DPYD: variants seen among roughly 807,000 people sequenced by gnomAD.
DPYD encodes the protein dihydropyrimidine dehydrogenase [NADP(+)].
A neutral mutation model predicts 116.2 loss-of-function variants in DPYD; 109 were observed. The ratio of observed to expected loss-of-function variants is 0.94; its 90% confidence interval spans 0.80 to 1.10. The LOEUF is 1.10. Among genes scored for constraint, DPYD ranks in the 50% least tolerant of loss-of-function variants. The pLI is 0.00. For synonymous variants in DPYD, 440 were observed against 432.0 expected (o/e 1.02, Z -0.23); for missense variants, 1,302 against 1,254.5 (o/e 1.04, Z -0.57).
In DPYD at chr1:97,466,941, G is replaced by A. The variant is rs764026103; in HGVS notation, c.1741-16718C>T. On this transcript the variant is annotated intron_variant, in intron 13 of 22. Transcript: ENST00000370192. ...AGAACCCCCTTTAGGGGCCTGCAGT[G>A]GGGGGTGGAGGGTGGGAGCCCAAGC... 6.6e-5 allele frequency among the ~76,000 whole-genome samples: 10 copies of A among 152,128 alleles called. No individual in the cohort carries two copies. In the South Asian group the frequency reaches 1.0e-3, roughly 16 times the overall value.
At chr1:97,399,925 T>C (rs986624615) in intron 14 of DPYD, among the ~76,000 whole-genome samples, 5 of 152,156 alleles carry the variant, frequency 3.3e-5, no homozygotes, top group African/African-American at 9.7e-5. Context: ...CTTTTCCTAA[T>C]TGAATACCCT....
chr1:97,567,528 A>G (rs1482935318), intron 11 of DPYD, among the ~76,000 whole-genome samples: 1 of 152,108 alleles, frequency 6.6e-6, no homozygotes, highest in Admixed American at 6.6e-5. Context: ...GAAGGGTCGT[A>G]TCTTCCCTGG....
chr1:97,853,363 G>A (rs1411721717), intron 2 of DPYD, among the ~76,000 whole-genome samples: 1 of 151,936 alleles, frequency 6.6e-6, no homozygotes, highest in Admixed American at 6.5e-5. Flanking sequence ...AAACTCTCTG[G>A]GTATTGTCAT....
intron 13 of DPYD, among the ~76,000 whole-genome samples, chr1:97,507,807 C>T (rs991396917): frequency 6.6e-6 from 1 of 151,904 alleles, no homozygotes; most frequent in Non-Finnish European, 1.5e-5. Context: ...TGGATTGAAA[C>T]AAGTTTCTTG....
chr1:97,532,529 G>T (rs951814862), intron 12 of DPYD, among the ~76,000 whole-genome samples: 10 of 152,146 alleles, frequency 6.6e-5, no homozygotes, highest in Non-Finnish European at 1.3e-4. Context: ...GTTTGGGTTG[G>T]TTTTTTATTA....
intron 16 of DPYD, among the ~76,000 whole-genome samples, chr1:97,366,675 T>G (rs1671059205): frequency 6.6e-6 from 1 of 152,076 alleles, no homozygotes; most frequent in African/African-American, 2.4e-5. Context: ...ACATAGCTCA[T>G]AGAGGCTTAA....
At chr1:97,164,903 T>C (rs1656205790) in intron 20 of DPYD, among the ~76,000 whole-genome samples, 1 of 151,084 alleles carries the variant, frequency 6.6e-6, no homozygotes, top group South Asian at 2.1e-4. Context: ...AGAGATGCGG[T>C]TTCACCATGT....
intron 8 of DPYD, among the ~76,000 whole-genome samples, chr1:97,616,256 T>C (rs1311465257): frequency 2.0e-5 from 3 of 152,184 alleles, no homozygotes; most frequent in African/African-American, 7.2e-5. Context: ...GAAGGAATGG[T>C]AAATTCAGTT....
At chr1:97,877,322 C>A (rs1671974051) in intron 2 of DPYD, among the ~76,000 whole-genome samples, 2 of 151,908 alleles carry the variant, frequency 1.3e-5, no homozygotes, top group South Asian at 4.2e-4. Context: ...CACTTGCCAC[C>A]AACCCTCATA....
At chr1:97,332,352 T>C (rs1570541756) in intron 16 of DPYD, among the ~76,000 whole-genome samples, 1 of 152,350 alleles carries the variant, frequency 6.6e-6, no homozygotes, top group Non-Finnish European at 1.5e-5. Context: ...TTCAAGTTTC[T>C]CACACATGCA....
At chr1:97,629,546 T>A (rs1245980784) in intron 8 of DPYD, among the ~76,000 whole-genome samples, 1 of 151,980 alleles carries the variant, frequency 6.6e-6, no homozygotes, top group Non-Finnish European at 1.5e-5. Context: ...GCCCCCTTAC[T>A]TAGTTAGATA....
chr1:97,648,960 T>A (rs1431223801), intron 8 of DPYD, among the ~76,000 whole-genome samples: 1 of 152,010 alleles, frequency 6.6e-6, no homozygotes, highest in African/African-American at 2.4e-5. Context: ...TAAATTCGTA[T>A]TATATTTGTA....
intron 21 of DPYD, among the ~76,000 whole-genome samples, chr1:97,087,963 T>A (rs547523613): frequency 6.6e-6 from 1 of 152,270 alleles, no homozygotes; most frequent in Admixed American, 6.5e-5. Flanking sequence ...CTCAGATCAT[T>A]TGAGGCTTTA....
At chr1:97,337,040 G>T (rs1669328914) in intron 16 of DPYD, among the ~76,000 whole-genome samples, 1 of 152,188 alleles carries the variant, frequency 6.6e-6, no homozygotes, top group Non-Finnish European at 1.5e-5. Context: ...AGCACAGACA[G>T]AAAGAGTTTG....
At chr1:97,435,468 G>A (rs1329443699) in intron 14 of DPYD, among the ~76,000 whole-genome samples, 6 of 151,824 alleles carry the variant, frequency 4.0e-5, no homozygotes, top group Non-Finnish European at 8.9e-5. Context: ...CTTATTTTAA[G>A]GATGTCTGGT....
intron 2 of DPYD, among the ~76,000 whole-genome samples, chr1:97,869,140 G>A (rs1671538652): frequency 6.6e-6 from 1 of 151,860 alleles, no homozygotes; most frequent in East Asian, 1.9e-4. Context: ...GAATGAAAAA[G>A]AATCTCTTGT....
At chr1:97,852,929 C>T (rs969247026) in intron 2 of DPYD, among the ~76,000 whole-genome samples, 4 of 152,144 alleles carry the variant, frequency 2.6e-5, no homozygotes, top group Non-Finnish European at 5.9e-5. Context: ...GGATACTTCA[C>T]CAATTTATTA....
At chr1:97,595,321 C>A (rs1392398334) in intron 8 of DPYD, among the ~76,000 whole-genome samples, 155 bp from the exon 9 acceptor site, 4 of 152,028 alleles carry the variant, frequency 2.6e-5, no homozygotes, top group African/African-American at 9.7e-5. Context: ...ATAATACAGT[C>A]TAACGGATCT....
At chr1:97,520,411 T>C (rs1158152483) in intron 12 of DPYD, among the ~76,000 whole-genome samples, 2 of 152,160 alleles carry the variant, frequency 1.3e-5, no homozygotes, top group Non-Finnish European at 2.9e-5. Flanking sequence ...CATATACTTC[T>C]TGGGACATTT....
Sources: gnomAD v4.1 joint callset for allele counts (sites outside exome capture counted in the v4.1 genomes callset) on GRCh38, gnomAD v4.1.1 for gene constraint, MANE v1.5 for transcripts, NCBI Gene and HGNC (gene_info 2026-07-23, HGNC 2026-07-21) for gene names.